Variants in DOCK3 observed in about 807,000 individuals in gnomAD.
The protein encoded by DOCK3 is dedicator of cytokinesis 3.
A neutral mutation model predicts 265.6 loss-of-function variants in DOCK3; 60 were observed. The ratio of observed to expected loss-of-function variants is 0.23; its 90% CI spans 0.18 to 0.28. The LOEUF (loss-of-function observed/expected upper bound fraction) is 0.28, where lower values mean the gene tolerates loss of function less well. Ranked by LOEUF, DOCK3 falls within the 10% of genes least tolerant of loss-of-function variation. The pLI, the probability that DOCK3 is intolerant of heterozygous loss-of-function variation, is 1.00. For missense variants in DOCK3, 1,981 were observed against 2,594.3 expected (o/e 0.76, Z 5.14); for synonymous variants, 881 against 938.0 (o/e 0.94, Z 1.11).
At chr3:50,854,690 A>G (rs565085477) in intron 3 of DOCK3, among the ~76,000 whole-genome samples, 72 of 140,028 alleles carry the variant, frequency 5.1e-4, no homozygotes, top group African/African-American at 1.6e-3. Context: ...TGGCCTCCCA[A>G]TGTGCTGAGA....
Position 51,375,682 on chromosome 3 carries a change from C to T in DOCK3, c.5413-66C>T, listed in dbSNP as rs751256751. ...GTAGTGTCCTGTCTCTCGTCGCCCA[C>T]AACACTGCCTCCCAAGATATAATTG... is the stretch of plus-strand genomic sequence containing the variant. On this transcript the variant is annotated intron_variant, in intron 50 of 52. Coordinates refer to ENST00000266037, the MANE Select transcript of DOCK3 (RefSeq NM_004947.5). 1.3e-4 allele frequency: 205 copies of T among 1,583,354 alleles called. 3 individuals are homozygous for T. In the Middle Eastern group the frequency reaches 1.3e-3, roughly 10 times the overall value.
chr3:51,317,629 T>A, intron 32 of DOCK3, among the ~76,000 whole-genome samples: 1 of 147,326 alleles, frequency 6.8e-6, no homozygotes, highest in Non-Finnish European at 1.5e-5. Flanking sequence ...ATAATGTATA[T>A]TTAAAAATTG....
intron 9 of DOCK3, among the ~76,000 whole-genome samples, chr3:51,119,380 C>T (rs2083909283): frequency 6.6e-6 from 1 of 152,196 alleles, no homozygotes; most frequent in South Asian, 2.1e-4. Context: ...TGACCTTTCT[C>T]TCTGGCTGCC....
intron 3 of DOCK3, chr3:50,881,416 CAA>C (rs1280906742): frequency 4.6e-5 from 7 of 152,210 alleles, no homozygotes; most frequent in African/African-American, 1.7e-4. Flanking sequence ...GCAACTTCAG[CAA>C]AGTCTCAGGA....
At position 51,106,350 on chromosome 3, in the gene DOCK3, G is replaced by A. The variant is rs543577301; in HGVS notation, c.746+15966G>A. 3.5e-4 allele frequency among the ~76,000 whole-genome samples: 54 copies of A among 152,304 alleles called. No homozygotes were observed. The Middle Eastern group carries it at 0.01, about 29-fold the overall frequency. On this transcript the variant is annotated intron_variant, in intron 9 of 52. Coordinates refer to ENST00000266037, the MANE Select transcript of DOCK3 (RefSeq NM_004947.5). ...TTGGTCGGCAGAGAGCTCCAGCATA[G>A]CAGCCCCCACTGACAGGCTGCAGCC...
intron 27 of DOCK3, among the ~76,000 whole-genome samples, chr3:51,294,990 A>T (rs1392265023): frequency 6.6e-6 from 1 of 152,230 alleles, no homozygotes; most frequent in African/African-American, 2.4e-5. Context: ...TTGACACATC[A>T]GATTGTGTTT....
chr3:51,110,679 A>G (rs956497391), intron 9 of DOCK3, among the ~76,000 whole-genome samples: 2 of 152,212 alleles, frequency 1.3e-5, no homozygotes, highest in African/African-American at 4.8e-5. Flanking sequence ...TATTGGAGGA[A>G]CATACCTCAA....
At chr3:50,705,516 A>G (rs2036348324) in intron 1 of DOCK3, among the ~76,000 whole-genome samples, 1 of 152,100 alleles carries the variant, frequency 6.6e-6, no homozygotes, top group African/African-American at 2.4e-5. Context: ...GCTGGGTTCA[A>G]GCAGTTCTCC....
intron 3 of DOCK3, among the ~76,000 whole-genome samples, chr3:50,846,799 A>G (rs2046105754): frequency 6.6e-6 from 1 of 152,060 alleles, no homozygotes; most frequent in Non-Finnish European, 1.5e-5. Flanking sequence ...TTTGCTGTAG[A>G]TCTTCTACGT....
intron 7 of DOCK3, among the ~76,000 whole-genome samples, chr3:51,077,876 A>T (rs915946814): frequency 2.0e-5 from 3 of 152,344 alleles, no homozygotes; most frequent in African/African-American, 7.2e-5. Context: ...ACTGAATTAG[A>T]TAACCACCTC....
intron 32 of DOCK3, 79 bp from the exon 33 acceptor site, chr3:51,330,059 C>T: frequency 1.4e-6 from 2 of 1,407,492 alleles, no homozygotes; most frequent in Non-Finnish European, 2.0e-6. Flanking sequence ...TCCCACCATC[C>T]TCACCCACCA....
At chr3:50,914,216 T>C (rs2050004038) in intron 4 of DOCK3, among the ~76,000 whole-genome samples, 1 of 151,994 alleles carries the variant, frequency 6.6e-6, no homozygotes, top group Non-Finnish European at 1.5e-5. Context: ...TAGTTTATTT[T>C]CTTATGTTAA....
intron 35 of DOCK3, among the ~76,000 whole-genome samples, chr3:51,338,034 G>A (rs1453974936): frequency 6.6e-6 from 1 of 152,198 alleles, no homozygotes; most frequent in Non-Finnish European, 1.5e-5. Context: ...GGGAAGTTGA[G>A]GATTTGGCCT....
chr3:51,186,441 G>A (rs758672007), intron 12 of DOCK3, among the ~76,000 whole-genome samples: 8 of 152,150 alleles, frequency 5.3e-5, no homozygotes, highest in South Asian at 2.1e-4. Flanking sequence ...TGGAAAATTC[G>A]CAGCCTAACA....
At chr3:51,324,910 A>G (rs140582661) in intron 32 of DOCK3, among the ~76,000 whole-genome samples, 21 of 152,356 alleles carry the variant, frequency 1.4e-4, no homozygotes, top group African/African-American at 4.8e-4. Context: ...TTATACAGAT[A>G]TTAACTCAAC....
chr3:51,177,623 G>A (rs2087029519), intron 12 of DOCK3, among the ~76,000 whole-genome samples: 1 of 152,126 alleles, frequency 6.6e-6, no homozygotes, highest in Non-Finnish European at 1.5e-5. Context: ...CAGAAGCCAA[G>A]AGCAAAGCAT....
At chr3:50,847,747 G>A (rs2046152787) in intron 3 of DOCK3, among the ~76,000 whole-genome samples, 1 of 151,968 alleles carries the variant, frequency 6.6e-6, no homozygotes, top group Non-Finnish European at 1.5e-5. Context: ...AGCCGGGCAT[G>A]GTAGTGTATA....
chr3:51,016,354 CAT>C (rs1553733123), intron 5 of DOCK3, among the ~76,000 whole-genome samples: 2 of 754 alleles, frequency 2.7e-3, no homozygotes, highest in Non-Finnish European at 3.4e-3. Flanking sequence ...TATATTTCTA[CAT>C]ATATATATCA....
chr3:51,324,035 C>T (rs977847363), intron 32 of DOCK3, among the ~76,000 whole-genome samples: 4 of 152,194 alleles, frequency 2.6e-5, no homozygotes, highest in Non-Finnish European at 5.9e-5. Context: ...TGCCCTCTCT[C>T]ACCACTCCTA....
Sources: gnomAD v4.1 joint callset for allele counts (sites outside exome capture counted in the v4.1 genomes callset) on GRCh38, gnomAD v4.1.1 for gene constraint, MANE v1.5 for transcripts, NCBI Gene and HGNC (gene_info 2026-07-23, HGNC 2026-07-21) for gene names.